The following KHDRBS2 variants were observed in gnomAD, a reference collection of about 807,000 sequenced individuals.
KHDRBS2 encodes KH domain-containing, RNA-binding, signal transduction-associated protein 2.
A neutral mutation model predicts 44.3 loss-of-function variants in KHDRBS2; 26 were observed. The observed-to-expected ratio is 0.59, with a 90% CI of 0.43 to 0.81. KHDRBS2 has a LOEUF of 0.81. Among genes scored for constraint, KHDRBS2 ranks in the 40% least tolerant of loss-of-function variants. The pLI is 0.00. For missense variants in KHDRBS2, 476 were observed against 433.1 expected, an observed-to-expected ratio of 1.10 and a Z score of -0.88; for synonymous variants, 194 against 151.1, an observed-to-expected ratio of 1.28 and a Z score of -2.08.
intron 1 of KHDRBS2, among the ~76,000 whole-genome samples, chr6:62,255,103 T>C (rs1585444997): frequency 6.6e-6 from 1 of 152,124 alleles, no homozygotes; most frequent in African/African-American, 2.4e-5. Context: ...AGTGGCACTA[T>C]TTAATATGAG....
intron 2 of KHDRBS2, among the ~76,000 whole-genome samples, chr6:62,120,764 T>C (rs959785634): frequency 2.0e-5 from 3 of 152,144 alleles, no homozygotes; most frequent in African/African-American, 7.2e-5. Flanking sequence ...CTTCAATCAA[T>C]TTAGGACTTG....
intron 1 of KHDRBS2, among the ~76,000 whole-genome samples, chr6:62,214,941 C>T (rs1367750957): frequency 1.3e-5 from 2 of 151,852 alleles, no homozygotes; most frequent in African/African-American, 4.8e-5. Context: ...CATTTTTATT[C>T]ATTCAGTTAC....
At chr6:61,699,974 T>C (rs936721975) in intron 7 of KHDRBS2, among the ~76,000 whole-genome samples, 8 of 151,982 alleles carry the variant, frequency 5.3e-5, no homozygotes, top group African/African-American at 1.7e-4. Flanking sequence ...TTCTTTCACA[T>C]ACTTGACATG....
At chr6:61,569,712 C>T in the KHDRBS2 span, among the ~76,000 whole-genome samples, 2 of 152,292 alleles carry the variant, frequency 1.3e-5, no homozygotes, top group African/African-American at 2.4e-5. Context: ...GTGCTGGTAT[C>T]TACAGCTAGA....
At chr6:62,248,469 C>A (rs2150172837) in intron 1 of KHDRBS2, among the ~76,000 whole-genome samples, 1 of 152,070 alleles carries the variant, frequency 6.6e-6, no homozygotes, top group South Asian at 2.1e-4. Flanking sequence ...AGCGATTCTC[C>A]CACCTCAGCC....
intron 2 of KHDRBS2, among the ~76,000 whole-genome samples, chr6:62,165,939 G>T (rs1818597604): frequency 6.6e-6 from 1 of 151,836 alleles, no homozygotes; most frequent in Non-Finnish European, 1.5e-5. Flanking sequence ...CAAAAACTCG[G>T]TACCCATTAA....
chr6:61,592,948 G>T, the KHDRBS2 span, among the ~76,000 whole-genome samples: 1 of 152,184 alleles, frequency 6.6e-6, no homozygotes, highest in Non-Finnish European at 1.5e-5. Flanking sequence ...TGGCATTGCA[G>T]ATGAAAACAC....
intron 1 of KHDRBS2, among the ~76,000 whole-genome samples, chr6:62,212,862 C>A (rs1296744606): frequency 7.3e-5 from 11 of 151,518 alleles, no homozygotes; most frequent in Non-Finnish European, 1.6e-4. Flanking sequence ...GCAGCCCTAG[C>A]AAACTAATAC....
chr6:62,022,066 G>A (rs1467468737), intron 3 of KHDRBS2, among the ~76,000 whole-genome samples: 2 of 149,758 alleles, frequency 1.3e-5, no homozygotes, highest in African/African-American at 2.4e-5. Context: ...GGAGAACAAA[G>A]TTTTCCAAAT....
the KHDRBS2 span, among the ~76,000 whole-genome samples, chr6:61,616,458 T>C: frequency 2.3e-5 from 2 of 88,706 alleles, no homozygotes; most frequent in African/African-American, 4.0e-5. Context: ...ACTTTTACAA[T>C]GAAAGAATAT....
At chr6:61,960,790 G>A (rs1768509804) in intron 4 of KHDRBS2, among the ~76,000 whole-genome samples, 3 of 152,062 alleles carry the variant, frequency 2.0e-5, no homozygotes, top group Non-Finnish European at 4.4e-5. Context: ...CAAATTTTAA[G>A]ATTAAAGGCT....
intron 1 of KHDRBS2, among the ~76,000 whole-genome samples, chr6:62,219,935 T>A (rs1563084036): frequency 2.0e-5 from 3 of 147,166 alleles, no homozygotes; most frequent in Non-Finnish European, 3.0e-5. Flanking sequence ...ATATATATAT[T>A]AATAGTATAT....
At chr6:62,157,869 A>G (rs533774685) in intron 2 of KHDRBS2, among the ~76,000 whole-genome samples, 2 of 152,316 alleles carry the variant, frequency 1.3e-5, no homozygotes, top group South Asian at 2.1e-4. Context: ...ATTTATGCAT[A>G]GCTTCCCCCT....
At chr6:61,976,879 A>G (rs1772787812) in intron 4 of KHDRBS2, among the ~76,000 whole-genome samples, 1 of 152,134 alleles carries the variant, frequency 6.6e-6, no homozygotes, top group African/African-American at 2.4e-5. Context: ...TAGCATCCTC[A>G]TTCTTAATAA....
chr6:62,021,777 T>C (rs1782362892), intron 3 of KHDRBS2, among the ~76,000 whole-genome samples: 3 of 151,712 alleles, frequency 2.0e-5, no homozygotes, highest in Admixed American at 2.0e-4. Context: ...CTTTCACTTT[T>C]GCAAACTAAT....
chr6:61,784,454 T>G (rs1783480801), intron 6 of KHDRBS2, among the ~76,000 whole-genome samples: 2 of 152,022 alleles, frequency 1.3e-5, no homozygotes, highest in South Asian at 4.1e-4. Flanking sequence ...ACTCACAACA[T>G]GAGTAAGAGT....
chr6:61,773,137 G>T (rs1003751138), intron 6 of KHDRBS2, among the ~76,000 whole-genome samples: 5 of 151,122 alleles, frequency 3.3e-5, no homozygotes, highest in Non-Finnish European at 5.9e-5. Context: ...ATGATTTATA[G>T]TCCTTTGGGT....
the KHDRBS2 span, among the ~76,000 whole-genome samples, chr6:61,553,025 C>T: frequency 5.9e-5 from 9 of 152,084 alleles, no homozygotes; most frequent in African/African-American, 2.2e-4. Context: ...CATAGAATGA[C>T]TTAGGGAGGA....
intron 1 of KHDRBS2, among the ~76,000 whole-genome samples, chr6:62,269,980 A>G (rs1181712713): frequency 6.6e-6 from 1 of 152,162 alleles, no homozygotes; most frequent in Non-Finnish European, 1.5e-5. Context: ...AAGGAAGAGT[A>G]TACACTACAT....
Sources: allele counts gnomAD v4.1 joint callset (sites outside exome capture counted in the v4.1 genomes callset), GRCh38; gene constraint gnomAD v4.1.1; transcripts MANE v1.5; gene names NCBI Gene and HGNC (gene_info 2026-07-23, HGNC 2026-07-21).